CGN: variants seen among roughly 807,000 people sequenced by gnomAD.
CGN encodes the protein cingulin.
In CGN, 121 loss-of-function variants were observed where a neutral mutation model predicts 157.1. The ratio of observed to expected loss-of-function variants is 0.77; its 90% CI spans 0.66 to 0.90. CGN has a LOEUF of 0.90. CGN is among the 40% of genes least tolerant of loss of function. CGN has a pLI of 0.00. For missense variants in CGN, 1,424 were observed against 1,520.9 expected (o/e 0.94, Z 1.06); for synonymous variants, 535 against 607.5 (o/e 0.88, Z 1.76).
Position 151,529,981 on chromosome 1 carries a change from G to A in CGN, c.2179G>A (p.Glu727Lys). The A allele has an allele frequency of 4.3e-6, 7 of 1,614,176 alleles. No individual in the cohort carries two copies. Among genetic ancestry groups the A allele is most frequent in the Non-Finnish European group, 5.9e-6 (7 of 1,180,024 alleles). Residue 727 changes from glutamate (E) to lysine (K), a missense_variant, in exon 12 of 21, where the codon GAG (glutamate) becomes AAG (lysine). Glu to Lys is a moderately conservative substitution (Grantham distance 56). Around this residue, in one of 3 missense-constraint regions of CGN, gnomAD observed 1,187 missense variants for 1,217.6 expected, o/e 0.97. Transcript: ENST00000271636. ...RRAAVETTLR[E>K]TQEENDEFRR... The stretch of plus-strand genomic sequence containing the variant: ...GGCCGCAGTGGAGACGACGCTTCGG[G>A]AGACCCAGGAGGAAAATGACGAATT...
Position 151,519,132 on chromosome 1 carries a change from C to A in CGN, c.613C>A (p.Pro205Thr). The change falls in exon 2 of 21, where the codon CCC (proline) becomes ACC (threonine). Residue 205 changes from proline (P) to threonine (T), a missense_variant. Coordinates refer to ENST00000271636, the MANE Select transcript of CGN (RefSeq NM_020770.3). ...GACTGGCCGCCGAACACGGATGCTA[C>A]CCCCTGAACAGCGCAAACGGAGCAA... Reference protein sequence around the residue: ...GRTGRRTRMLPPEQRKRSKSL... With the variant: ...GRTGRRTRMLTPEQRKRSKSL... 1 of 1,614,044 alleles carries A rather than the reference C, an allele frequency of 6.2e-7. No homozygotes were observed. Among genetic ancestry groups the A allele is most frequent in the South Asian group, 1.1e-5 (1 of 91,074 alleles).
chr1:151,534,029 C>T lies in CGN; in HGVS notation c.2797C>T (p.Arg933Trp), dbSNP rs142498835. The T allele has an allele frequency of 1.0e-4, 165 of 1,613,480 alleles. No individual in the cohort carries two copies. The highest frequency in any genetic ancestry group is 3.0e-4 in the South Asian group (27 of 91,062). ...QASQAERDTA[R>W]LDKELLAQRL... ...ATCCCAGGCTGAGCGGGACACAGCC[C>T]GGCTGGACAAAGAGCTACTGGCCCA... The change falls in exon 15 of 21, where the codon CGG becomes TGG. Residue 933 changes from arginine (R) to tryptophan (W), a missense_variant. Coordinates refer to ENST00000271636, the MANE Select transcript of CGN (RefSeq NM_020770.3).
chr1:151,525,930 T>C (rs979932861), intron 9 of CGN, 140 bp downstream of exon 9: 26 of 514,448 alleles, frequency 5.1e-5, no homozygotes, highest in Admixed American at 9.7e-5. Flanking sequence ...TGGAGTGTCA[T>C]GGCACGATCT....
Position 151,537,439 on chromosome 1 carries a change from G to T in CGN, c.*93G>T. On this transcript the variant is annotated 3_prime_UTR_variant, in exon 21 of 21. Transcript: ENST00000271636. ...CCACCCTGGGTTCTGCATTCCTATG[G>T]GTGACCCAATTATTCAGACCTAAGA... is the stretch of plus-strand genomic sequence containing the variant. The T allele has an allele frequency of 8.5e-7, 1 of 1,175,582 alleles. No homozygotes were observed. The highest frequency in any genetic ancestry group is 1.2e-6 in the Non-Finnish European group (1 of 837,550). 72.8% of individuals were successfully genotyped at this position (1,175,582 alleles called of 1,614,324 possible).
Position 151,514,872 on chromosome 1 carries a change from C to G in CGN, c.-15+3357C>G, listed in dbSNP as rs374084714. Among the ~76,000 whole-genome samples the G allele has an allele frequency of 1.2e-4, 19 of 152,174 alleles. 2 individuals carry two copies. The highest frequency in any genetic ancestry group is 4.6e-4 in the African/African-American group (19 of 41,540). On this transcript the variant is annotated intron_variant, in intron 1 of 20. Transcript: ENST00000271636. ...TATGAACCAGGTGAAGCCAAAAGTGCCTGTTGGACAAAGTAGCATGTGTGA... is the reference window on the plus strand; with the variant it reads ...TATGAACCAGGTGAAGCCAAAAGTGGCTGTTGGACAAAGTAGCATGTGTGA...
At chr1:151,511,151 C>T (rs991246155), upstream of CGN, among the ~76,000 whole-genome samples, 3 of 152,186 alleles carry the variant, frequency 2.0e-5, no homozygotes, top group Non-Finnish European at 2.9e-5. The surrounding 1 kb of genome is among the most constrained non-coding windows in gnomAD (Gnocchi z 4.8). Flanking sequence ...CGCGACGCCC[C>T]CAAAATGGCC....
In CGN at chr1:151,524,021, AAC is replaced by A. The variant is rs3056391; in HGVS notation, c.1269-200_1269-199del. ...AAACATATTTTGCAAGTAAATTTGT[AAC>A]ACACGAGAAGGCAGTAAATACAACA... On this transcript the variant is annotated intron_variant, in intron 6 of 20. Coordinates refer to ENST00000271636, the MANE Select transcript of CGN (RefSeq NM_020770.3). The surrounding 1 kb of genome is among the most constrained non-coding windows in gnomAD (Gnocchi z 4.4). 3.6e-3 allele frequency among the ~76,000 whole-genome samples: 545 copies of A among 152,276 alleles called. No individual in the cohort carries two copies. Among genetic ancestry groups the A allele is most frequent in the African/African-American group, 0.012 (515 of 41,570 alleles).
chr1:151,529,293 A>G, intron 10 of CGN, 57 bp from the exon 11 acceptor site: 2 of 1,451,686 alleles, frequency 1.4e-6, no homozygotes, highest in Non-Finnish European at 1.9e-6. Flanking sequence ...GCTTCTCCAC[A>G]TTCAGGTATC....
rs780464971 is a variant in CGN at position 151,532,534 on chromosome 1, G to A, written c.2704G>A (p.Glu902Lys). ...RQAKDWASEA[E>K]KTSGGLSRLQ... is the part of the protein sequence containing the mutation. ...GGCCAAGGATTGGGCCAGTGAGGCT[G>A]AGAAGACCTCTGGAGGACTGAGCCG... The change falls in exon 14 of 21, where the codon GAG (glutamate) becomes AAG (lysine). Residue 902 changes from glutamate (E) to lysine (K), a missense_variant. This residue lies in a region of CGN where 1,187 missense variants were observed against 1,217.6 expected (regional missense o/e 0.97). Transcript: ENST00000271636. 6.3e-7 allele frequency: 1 copy of A among 1,592,428 alleles called. No homozygotes were observed. The highest frequency in any genetic ancestry group is 1.4e-5 in the African/African-American group (1 of 73,504).
chr1:151,530,924 G>A (rs1222342824), intron 13 of CGN, among the ~76,000 whole-genome samples, 178 bp downstream of exon 13: 2 of 152,058 alleles, frequency 1.3e-5, no homozygotes, highest in Non-Finnish European at 2.9e-5. Flanking sequence ...GCAGATACCC[G>A]AGGTCAGGAG....
rs1435921897 is a variant in CGN, at chr1:151,532,632, T to TC, written c.2742+60_2742+61insC. On this transcript the variant is annotated intron_variant, in intron 14 of 20. Coordinates refer to ENST00000271636, the MANE Select transcript of CGN (RefSeq NM_020770.3). The stretch of plus-strand genomic sequence containing the variant: ...TGCCTCTTTTTTTTTTTTTTTTTTT[T>TC]TGTCCGAGACAGAGTCTCACTCTGT... 10 of 1,206,688 alleles carry TC rather than the reference T, an allele frequency of 8.3e-6. No individual in the cohort carries two copies. The African/African-American group carries it at 1.3e-4, about 16-fold the overall frequency. 74.7% of individuals were successfully genotyped at this position (1,206,688 alleles called of 1,614,324 possible).
chr1:151,525,465 CTG>C, intron 8 of CGN, 175 bp from the exon 9 acceptor site: 1 of 440,156 alleles, frequency 2.3e-6, no homozygotes, highest in Non-Finnish European at 4.0e-6. Context: ...GAGGGGTGGA[CTG>C]TGACTTGAGG....
rs1557995220 is a variant in CGN at position 151,537,356 on chromosome 1, C to T, written c.*10C>T. On this transcript the variant is annotated 3_prime_UTR_variant, in exon 21 of 21. Transcript: ENST00000271636. ...GACCAGCTCCTGTTAGCTCGTGGTC[C>T]TCAAGGACTCAGAAACCAGGCTCGA... The T allele has an allele frequency of 6.2e-7, 1 of 1,610,656 alleles. No homozygotes were observed. The highest frequency in any genetic ancestry group is 1.3e-5 in the African/African-American group (1 of 74,962).
At position 151,524,617 on chromosome 1, in the gene CGN, A is replaced by T. The variant is rs1664626468; in HGVS notation, c.1402-57A>T. The T allele has an allele frequency of 6.9e-7, 1 of 1,456,162 alleles. No individual in the cohort carries two copies. The highest frequency in any genetic ancestry group is 2.2e-5 in the Admixed American group (1 of 45,322). 90.2% of individuals were successfully genotyped at this position (1,456,162 alleles called of 1,614,324 possible). A position where few individuals can be genotyped will look rare whatever the true frequency, so the allele number is the denominator to read the frequency against. ...AAATATTTTTTGACTCAGTGAATTG[A>T]TAAACAGATGGATTCTAATATGGTC... is the stretch of plus-strand genomic sequence containing the variant. On this transcript the variant is annotated intron_variant, in intron 7 of 20. Coordinates refer to ENST00000271636, the MANE Select transcript of CGN (RefSeq NM_020770.3). This position sits in a 1 kb window ranked among gnomAD's most constrained non-coding sequence, Gnocchi z 4.4.
chr1:151,519,760 C>T (rs186354469), intron 2 of CGN, among the ~76,000 whole-genome samples: 1 of 152,314 alleles, frequency 6.6e-6, no homozygotes, highest in African/African-American at 2.4e-5. Context: ...AATTCCACAC[C>T]TTTCTCTCCT....
chr1:151,520,041 T>C, intron 2 of CGN, 125 bp from the exon 3 acceptor site: 1 of 707,652 alleles, frequency 1.4e-6, no homozygotes, highest in Non-Finnish European at 2.4e-6. Context: ...TTGTTCATCA[T>C]GCTTGAAGGG....
Position 151,524,067 on chromosome 1 carries a change from G to A in CGN, c.1269-159G>A, listed in dbSNP as rs1206570756. On this transcript the variant is annotated intron_variant, in intron 6 of 20. Transcript: ENST00000271636. This position sits in a 1 kb window ranked among gnomAD's most constrained non-coding sequence, Gnocchi z 4.4. ...TACAACAGGGTAAGGCAGATCAGGA[G>A]GGCCAGGTTGTAGCGGGGCAGGTTG... 2.0e-5 allele frequency among the ~76,000 whole-genome samples: 3 copies of A among 152,184 alleles called. No homozygotes were observed. Among genetic ancestry groups the A allele is most frequent in the Non-Finnish European group, 2.9e-5 (2 of 68,040 alleles).
Position 151,524,770 on chromosome 1 carries a change from C to T in CGN, c.1498C>T (p.Leu500=). ...LRLRERELTA[L]KGALKEEVAS... Reference sequence around the variant, plus strand: ...GCTGCGGGAGCGGGAGTTGACAGCCCTGAAGGGGGCCCTGAAAGAGGAGGT... The same window carrying T: ...GCTGCGGGAGCGGGAGTTGACAGCCTTGAAGGGGGCCCTGAAAGAGGAGGT... The change falls in exon 8 of 21, where the codon CTG becomes TTG. Residue 500 remains leucine (L), a synonymous_variant. Coordinates refer to ENST00000271636, the MANE Select transcript of CGN (RefSeq NM_020770.3). The surrounding 1 kb of genome is among the most constrained non-coding windows in gnomAD (Gnocchi z 4.4). 1.2e-6 allele frequency: 2 copies of T among 1,612,726 alleles called. No homozygotes were observed. Among genetic ancestry groups the T allele is most frequent in the Non-Finnish European group, 1.7e-6 (2 of 1,179,818 alleles).
At chr1:151,510,727 CTGG>C (rs1664262547), upstream of CGN, among the ~76,000 whole-genome samples, 1 of 152,162 alleles carries the variant, frequency 6.6e-6, no homozygotes, top group African/African-American at 2.4e-5. Flanking sequence ...GATCCTTGCT[CTGG>C]TGAAGCTTAT....
Sources: gnomAD v4.1 joint callset for allele counts (sites outside exome capture counted in the v4.1 genomes callset) on GRCh38, gnomAD v4.1.1 for gene constraint, gnomAD v4.1.1 regional missense constraint, Gnocchi (gnomAD v3.1) non-coding constraint, MANE v1.5 for transcripts, NCBI Gene and HGNC (gene_info 2026-07-23, HGNC 2026-07-21) for gene names.